FSHR: variants seen among roughly 807,000 people sequenced by gnomAD.
FSHR encodes follicle stimulating hormone receptor, also known as follicle-stimulating hormone receptor.
A neutral mutation model predicts 52.1 loss-of-function variants in FSHR; 46 were observed. The ratio of observed to expected loss-of-function variants is 0.88; its 90% CI spans 0.70 to 1.13. The LOEUF (loss-of-function observed/expected upper bound fraction) is 1.13. Ranked by LOEUF, FSHR falls within the 50% of genes most tolerant of loss-of-function variation. The probability of loss-of-function intolerance (pLI) is 0.00; values close to 1 mark genes in which losing one functional copy is unlikely to be tolerated. For missense variants in FSHR, 964 were observed against 834.6 expected, an observed-to-expected ratio of 1.16 and a Z score of -1.91; for synonymous variants, 399 against 309.6, an observed-to-expected ratio of 1.29 and a Z score of -3.03.
intron 4 of FSHR, 70 bp downstream of exon 4, chr2:49,017,419 T>TATCA: frequency 1.7e-6 from 2 of 1,159,936 alleles, no homozygotes; most frequent in African/African-American, 3.0e-5. Flanking sequence ...GAGTATCAAG[T>TATCA]AGGCCTTTTA....
At chr2:49,020,385 G>A (rs550605305) in intron 2 of FSHR, among the ~76,000 whole-genome samples, 1 of 152,278 alleles carries the variant, frequency 6.6e-6, no homozygotes, top group African/African-American at 2.4e-5. Flanking sequence ...TCACCTTGGA[G>A]ATTATCCAGT....
At chr2:49,033,658 C>T (rs2104262070) in intron 2 of FSHR, among the ~76,000 whole-genome samples, 1 of 152,226 alleles carries the variant, frequency 6.6e-6, no homozygotes, top group South Asian at 2.1e-4. Flanking sequence ...GAGCCTTTCA[C>T]CCTGCATCCC....
intron 2 of FSHR, among the ~76,000 whole-genome samples, chr2:49,064,371 T>A (rs1242471391): frequency 1.3e-5 from 2 of 151,876 alleles, no homozygotes; most frequent in African/African-American, 4.8e-5. Flanking sequence ...CATGAAGAGA[T>A]TAGTGTTGCC....
Position 49,016,949 on chromosome 2 carries a change from C to T in FSHR, c.374+540G>A, listed in dbSNP as rs189633842. ...GGCTCTGTCAAGCCCTCAGCTAATCCGAAAGCCATTTGAGTAGAGGAAGCA... is the reference window on the plus strand; with the variant it reads ...GGCTCTGTCAAGCCCTCAGCTAATCTGAAAGCCATTTGAGTAGAGGAAGCA... On this transcript the variant is annotated intron_variant, in intron 4 of 9. Coordinates refer to ENST00000406846, the MANE Select transcript of FSHR (RefSeq NM_000145.4). Among the ~76,000 whole-genome samples, 499 of 152,224 alleles carry T rather than the reference C, an allele frequency of 3.3e-3. 3 individuals are homozygous for T. The highest frequency in any genetic ancestry group is 4.9e-3 in the Non-Finnish European group (333 of 68,016).
intron 1 of FSHR, among the ~76,000 whole-genome samples, chr2:49,115,020 T>C (rs1345603386): frequency 6.6e-6 from 1 of 151,304 alleles, no homozygotes; most frequent in East Asian, 1.9e-4. Flanking sequence ...TTCCTGCCCT[T>C]AGAACATGAT....
intron 1 of FSHR, among the ~76,000 whole-genome samples, chr2:49,144,286 G>T (rs1672792291): frequency 6.6e-6 from 1 of 152,140 alleles, no homozygotes; most frequent in Admixed American, 6.5e-5. Context: ...TCTTAAATCT[G>T]CTGCTGCGGC....
At chr2:49,020,581 A>C (rs1228137770) in intron 2 of FSHR, among the ~76,000 whole-genome samples, 1 of 151,942 alleles carries the variant, frequency 6.6e-6, no homozygotes, top group Non-Finnish European at 1.5e-5. Flanking sequence ...TCTCTATCAC[A>C]ACTGCCCAAT....
At chr2:49,061,135 G>A (rs1234804087) in intron 2 of FSHR, among the ~76,000 whole-genome samples, 2 of 152,114 alleles carry the variant, frequency 1.3e-5, no homozygotes, top group Admixed American at 1.3e-4. Flanking sequence ...GCTAGGGGGT[G>A]CCTCAGAGTC....
chr2:49,021,892 G>T (rs1468963081), intron 2 of FSHR, among the ~76,000 whole-genome samples: 1,352 of 46,848 alleles, frequency 0.029, 15 homozygotes, highest in African/African-American at 0.052. Context: ...TATATAGAGA[G>T]AGAGAGAGAG....
intron 2 of FSHR, among the ~76,000 whole-genome samples, chr2:49,022,750 C>T (rs574978038): frequency 1.5e-4 from 23 of 152,230 alleles, no homozygotes; most frequent in African/African-American, 4.6e-4. Flanking sequence ...TAAGGGGATA[C>T]GATGAGATCA....
intron 1 of FSHR, among the ~76,000 whole-genome samples, chr2:49,091,133 ATTT>A (rs77991770): frequency 0.23 from 33,755 of 148,078 alleles, 3,755 homozygotes; most frequent in East Asian, 0.28. Context: ...CCAACTTACC[ATTT>A]TTTTTTTAAT....
rs191486892 is a variant in FSHR at position 49,008,998 on chromosome 2, G to C, written c.374+8491C>G. On this transcript the variant is annotated intron_variant, in intron 4 of 9. Coordinates refer to ENST00000406846, the MANE Select transcript of FSHR (RefSeq NM_000145.4). Reference sequence around the variant, plus strand: ...AGGTTGCCTGTTCCCTCTGATGGTAGTTTCTTTTGCTGTGCAGAAGCTCCT... The same window carrying C: ...AGGTTGCCTGTTCCCTCTGATGGTACTTTCTTTTGCTGTGCAGAAGCTCCT... 3.6e-3 allele frequency among the ~76,000 whole-genome samples: 540 copies of C among 151,490 alleles called. 3 individuals carry two copies. The highest frequency in any genetic ancestry group is 5.3e-3 in the Non-Finnish European group (359 of 67,724).
chr2:49,097,634 C>A (rs762553459), intron 1 of FSHR, among the ~76,000 whole-genome samples: 15 of 152,068 alleles, frequency 9.9e-5, no homozygotes, highest in Non-Finnish European at 2.1e-4. Flanking sequence ...TATCTCTGAG[C>A]AAGGGCTGGA....
In FSHR at chr2:49,042,066, C is replaced by G. The variant is rs563146926; in HGVS notation, c.225-21906G>C. On this transcript the variant is annotated intron_variant, in intron 2 of 9. Transcript: ENST00000406846. The stretch of plus-strand genomic sequence containing the variant: ...GGCTGAGATGGGTTGATCACCTAAG[C>G]CCAGGGATGTTGGGGCTACAGTGAG... Among the ~76,000 whole-genome samples, 6 of 152,214 alleles carry G rather than the reference C, an allele frequency of 3.9e-5. No individual in the cohort carries two copies. The South Asian group carries it at 1.2e-3, about 32-fold the overall frequency.
chr2:49,082,719 G>T (rs1385488472), intron 1 of FSHR, among the ~76,000 whole-genome samples: 1 of 152,160 alleles, frequency 6.6e-6, no homozygotes, highest in Non-Finnish European at 1.5e-5. Context: ...AGGAGCCGAT[G>T]CGATCAACTG....
At chr2:49,144,090 C>T (rs1504180) in intron 1 of FSHR, among the ~76,000 whole-genome samples, 68,770 of 151,814 alleles carry the variant, frequency 0.45, 15,880 homozygotes, top group East Asian at 0.7. Context: ...GTGCCACTTA[C>T]GACTGTTGGA....
Position 49,038,626 on chromosome 2 carries a change from A to AAAAAATAAT in FSHR, c.225-18467_225-18466insATTATTTTT, listed in dbSNP as rs574192521. On this transcript the variant is annotated intron_variant, in intron 2 of 9. Coordinates refer to ENST00000406846, the MANE Select transcript of FSHR (RefSeq NM_000145.4). ...GGCGACAGAGCAAGACTCTGTCTCA[A>AAAAAATAAT]AATAATAATAATAATAATAATAATA... 4.4e-3 allele frequency among the ~76,000 whole-genome samples: 313 copies of AAAAAATAAT among 70,612 alleles called. 10 individuals are homozygous for AAAAAATAAT. Among genetic ancestry groups the AAAAAATAAT allele is most frequent in the Admixed American group, 7.2e-3 (48 of 6,632 alleles). 46.3% of individuals were successfully genotyped at this position (70,612 alleles called of 152,430 possible).
intron 1 of FSHR, among the ~76,000 whole-genome samples, chr2:49,109,146 TA>T (rs1671338968): frequency 6.6e-6 from 1 of 152,094 alleles, no homozygotes; most frequent in African/African-American, 2.4e-5. Context: ...TGGCTGTGCA[TA>T]AAAGGATGAG....
intron 1 of FSHR, among the ~76,000 whole-genome samples, chr2:49,127,678 G>A (rs892255857): frequency 3.9e-5 from 6 of 151,924 alleles, no homozygotes; most frequent in Non-Finnish European, 8.8e-5. Flanking sequence ...TCTGCTACCT[G>A]TCTTGTCTGA....
Sources: allele counts gnomAD v4.1 joint callset (sites outside exome capture counted in the v4.1 genomes callset), GRCh38; gene constraint gnomAD v4.1.1; transcripts MANE v1.5; gene names NCBI Gene and HGNC (gene_info 2026-07-23, HGNC 2026-07-21).